Variants in TTC34 observed in about 807,000 individuals in gnomAD.
TTC34 encodes the protein tetratricopeptide repeat protein 34.
In TTC34, 44 loss-of-function variants were observed where a neutral mutation model predicts 40.7. That is an observed-to-expected ratio of 1.08 (90% confidence interval 0.85 to 1.39). The LOEUF (loss-of-function observed/expected upper bound fraction) is 1.39. TTC34 is among the 40% of genes most tolerant of loss of function. The pLI is 0.00. For synonymous variants in TTC34, 422 were observed against 398.6 expected, an observed-to-expected ratio of 1.06 and a Z score of -0.70; for missense variants, 884 against 838.0, an observed-to-expected ratio of 1.05 and a Z score of -0.68.
intron 6 of TTC34, among the ~76,000 whole-genome samples, chr1:2,752,509 A>C (rs1641356463): frequency 7.0e-6 from 1 of 143,138 alleles, no homozygotes; most frequent in African/African-American, 2.7e-5. Context: ...TGAGCATCTG[A>C]CAGCCTGGAG....
intron 6 of TTC34, among the ~76,000 whole-genome samples, chr1:2,752,696 C>G (rs1231947427): frequency 2.1e-5 from 3 of 140,242 alleles, no homozygotes; most frequent in African/African-American, 8.5e-5. Context: ...CCCATACGCC[C>G]AGATGAGCAT....
chr1:2,801,356 CCGAGAG>C (rs1643770424), intron 1 of TTC34, among the ~76,000 whole-genome samples: 1 of 152,080 alleles, frequency 6.6e-6, no homozygotes, highest in Admixed American at 6.5e-5. Flanking sequence ...GAGGGGGGCG[CCGAGAG>C]CACCTGCCAG....
chr1:2,651,381 A>C (rs1349760820), intron 6 of TTC34, among the ~76,000 whole-genome samples: 2 of 152,036 alleles, frequency 1.3e-5, no homozygotes, highest in Non-Finnish European at 2.9e-5. Context: ...GACAGACTGG[A>C]GCAGCATTCT....
intron 6 of TTC34, among the ~76,000 whole-genome samples, chr1:2,697,602 A>ACT (rs1640926098): frequency 7.1e-6 from 1 of 141,260 alleles, no homozygotes; most frequent in Non-Finnish European, 1.6e-5. Context: ...AACAGCTCCC[A>ACT]CAACCCCAGG....
At chr1:2,756,661 C>T (rs1641516056) in intron 6 of TTC34, among the ~76,000 whole-genome samples, 1 of 149,688 alleles carries the variant, frequency 6.7e-6, no homozygotes, top group Admixed American at 6.7e-5. Context: ...GGAACAGCAC[C>T]CACACCCCCA....
intron 6 of TTC34, among the ~76,000 whole-genome samples, chr1:2,656,356 G>A (rs1210398623): frequency 2.2e-4 from 29 of 134,322 alleles, no homozygotes; most frequent in South Asian, 7.4e-4. Context: ...GCATCTGACA[G>A]CCTGGAACAG....
At chr1:2,694,922 G>A (rs1640790010) in intron 6 of TTC34, among the ~76,000 whole-genome samples, 2 of 135,246 alleles carry the variant, frequency 1.5e-5, no homozygotes, top group Non-Finnish European at 3.2e-5. Flanking sequence ...ACTCACGCGA[G>A]CACCTGACAT....
At chr1:2,651,782 A>G (rs940898384) in intron 6 of TTC34, among the ~76,000 whole-genome samples, 1 of 152,046 alleles carries the variant, frequency 6.6e-6, no homozygotes, top group South Asian at 2.1e-4. Flanking sequence ...TGAGCATCTG[A>G]CAGCCGGAAA....
At chr1:2,652,445 C>G (rs77623181) in intron 6 of TTC34, among the ~76,000 whole-genome samples, 6 of 26,492 alleles carry the variant, frequency 2.3e-4, no homozygotes, top group Admixed American at 3.6e-4. Flanking sequence ...GCACCCACAC[C>G]CCCAGGTGAG....
chr1:2,790,533 C>T (rs1643651864), intron 2 of TTC34, among the ~76,000 whole-genome samples, 187 bp from the exon 3 acceptor site: 1 of 152,192 alleles, frequency 6.6e-6, no homozygotes, highest in African/African-American at 2.4e-5. Context: ...TGGCAGGAGG[C>T]CCGACGCCCA....
intron 6 of TTC34, among the ~76,000 whole-genome samples, chr1:2,659,873 G>A (rs1189259638): frequency 5.2e-5 from 7 of 135,918 alleles, no homozygotes; most frequent in South Asian, 2.4e-4. Context: ...CCATATCCCC[G>A]GGTGAGCATC....
chr1:2,757,693 G>C (rs1426273791), intron 6 of TTC34, among the ~76,000 whole-genome samples: 22 of 125,922 alleles, frequency 1.7e-4, no homozygotes, highest in African/African-American at 6.0e-4. Flanking sequence ...ATCCGACATC[G>C]TGGAGCAGCA....
chr1:2,650,664 C>A (rs542796388), intron 6 of TTC34, among the ~76,000 whole-genome samples: 39 of 151,118 alleles, frequency 2.6e-4, no homozygotes, highest in African/African-American at 9.0e-4. Flanking sequence ...GCACCCCACA[C>A]CCCCAGGTGA....
At position 2,657,399 on chromosome 1, in the gene TTC34, C is replaced by T. The variant is rs546877990; in HGVS notation, c.2227-11836G>A. ...CCCACACCCCGAGGTGAGCATCTGA[C>T]CTCCCGGAGCAGTACCAGTACCCCC... On this transcript the variant is annotated intron_variant, in intron 6 of 8. Transcript: ENST00000401095. Among the ~76,000 whole-genome samples, 9 of 92,596 alleles carry T rather than the reference C, an allele frequency of 9.7e-5. No homozygotes were observed. In the East Asian group the frequency reaches 1.2e-3, roughly 13 times the overall value. The allele number at this position is 92,596 out of a possible 152,430, so 60.7% of individuals were successfully genotyped here.
At chr1:2,694,594 C>T (rs1255022456) in intron 6 of TTC34, among the ~76,000 whole-genome samples, 6 of 100,414 alleles carry the variant, frequency 6.0e-5, no homozygotes, top group African/African-American at 2.2e-4. Context: ...CCCACACCCA[C>T]AGGCGAGCAT....
At position 2,796,326 on chromosome 1, in the gene TTC34, T is replaced by C. The variant is rs972253344; in HGVS notation, c.784+3718A>G. Among the ~76,000 whole-genome samples, 2 of 152,230 alleles carry C rather than the reference T, an allele frequency of 1.3e-5. No homozygotes were observed. Among genetic ancestry groups the C allele is most frequent in the Non-Finnish European group, 2.9e-5 (2 of 68,038 alleles). On this transcript the variant is annotated intron_variant, in intron 2 of 8. Coordinates refer to ENST00000401095, the Ensembl canonical transcript of TTC34. The surrounding 1 kb of genome is among the most constrained non-coding windows in gnomAD (Gnocchi z 4.5). ...AGGTCATTTGTTGCAGGAAACTGCA[T>C]CTGTAAAAAGTCTGTTATAGGAAAA... is the stretch of plus-strand genomic sequence containing the variant.
intron 6 of TTC34, among the ~76,000 whole-genome samples, chr1:2,779,602 C>T (rs1171088342): frequency 1.3e-5 from 2 of 152,198 alleles, no homozygotes; most frequent in Non-Finnish European, 2.9e-5. Context: ...GGATTACAGG[C>T]GTGAGCCACC....
At chr1:2,683,906 AC>A (rs1640199030) in intron 6 of TTC34, among the ~76,000 whole-genome samples, 1 of 122,330 alleles carries the variant, frequency 8.2e-6, no homozygotes, top group South Asian at 2.5e-4. Flanking sequence ...CTGGGTCGGC[AC>A]CCACACCTCC....
chr1:2,777,452 GC>G (rs1192202864), intron 6 of TTC34, among the ~76,000 whole-genome samples: 2 of 150,204 alleles, frequency 1.3e-5, no homozygotes, highest in East Asian at 2.0e-4. Context: ...GACAAGTCCT[GC>G]CCCCCGGTTA....
Sources: allele counts gnomAD v4.1 joint callset (sites outside exome capture counted in the v4.1 genomes callset), GRCh38; gene constraint gnomAD v4.1.1; non-coding constraint Gnocchi (gnomAD v3.1); transcripts MANE v1.5; gene names NCBI Gene and HGNC (gene_info 2026-07-23, HGNC 2026-07-21).